The following EVI5 variants were observed in gnomAD, a reference collection of about 807,000 sequenced individuals.
EVI5 encodes the protein ecotropic viral integration site 5 protein homolog.
EVI5 carries 73 observed loss-of-function variants against 112.0 expected under a neutral mutation model. That is an observed-to-expected ratio of 0.65 (90% CI 0.54 to 0.79). The LOEUF (loss-of-function observed/expected upper bound fraction) is 0.79. Ranked by LOEUF, EVI5 falls within the 30% of genes least tolerant of loss-of-function variation. The pLI is 0.00. For missense variants in EVI5, 900 were observed against 968.8 expected (o/e 0.93, Z 0.94); for synonymous variants, 305 against 319.9 (o/e 0.95, Z 0.50).
rs369654744 is a variant in EVI5, at chr1:92,630,288, C to T, written c.1528-4354G>A. On this transcript the variant is annotated intron_variant, in intron 14 of 19. Transcript: ENST00000684568. ...AACTAGTTTACAGTCCCACCAACAG[C>T]GTAAAAGTGTTCCTATTTCTCCACA... Among the ~76,000 whole-genome samples the T allele has an allele frequency of 5.2e-3, 788 of 152,102 alleles. 1 individual carries two copies. The highest frequency in any genetic ancestry group is 9.2e-3 in the Non-Finnish European group (623 of 67,958).
chr1:92,656,718 C>A (rs1048248370), intron 13 of EVI5, among the ~76,000 whole-genome samples: 3 of 151,908 alleles, frequency 2.0e-5, no homozygotes, highest in African/African-American at 4.8e-5. Flanking sequence ...ACAACTGATA[C>A]CACAGAAATA....
rs145523472 is a variant in EVI5, at chr1:92,561,401, CTTTTAA to C, written c.2166+2235_2166+2240del. Among the ~76,000 whole-genome samples, 420 of 152,108 alleles carry C rather than the reference CTTTTAA, an allele frequency of 2.8e-3. 5 individuals are homozygous for C. The highest frequency in any genetic ancestry group is 9.1e-3 in the African/African-American group (376 of 41,492). On this transcript the variant is annotated intron_variant, in intron 19 of 19. Transcript: ENST00000684568. The stretch of plus-strand genomic sequence containing the variant: ...CACTCTTTAAATCTGCACAATCTAG[CTTTTAA>C]TTTTAACAGTAGAAAATTCTACTCT...
chr1:92,600,886 C>A, intron 18 of EVI5, among the ~76,000 whole-genome samples: 1 of 152,072 alleles, frequency 6.6e-6, no homozygotes, highest in East Asian at 1.9e-4. Flanking sequence ...GTAAGTGAGA[C>A]CCTTCATTTG....
chr1:92,721,031 A>G (rs947232074), intron 2 of EVI5, among the ~76,000 whole-genome samples: 3 of 152,164 alleles, frequency 2.0e-5, no homozygotes, highest in Non-Finnish European at 2.9e-5. Flanking sequence ...GAAACAACAG[A>G]TGCTGGAGAG....
chr1:92,714,744 C>T (rs1673355426), intron 2 of EVI5, among the ~76,000 whole-genome samples: 1 of 152,144 alleles, frequency 6.6e-6, no homozygotes, highest in South Asian at 2.1e-4. Context: ...AACATGCCAT[C>T]ACACCCAGCT....
chr1:92,778,945 C>A (rs1684512602), intron 1 of EVI5, among the ~76,000 whole-genome samples: 1 of 152,126 alleles, frequency 6.6e-6, no homozygotes, highest in South Asian at 2.1e-4. Context: ...GACCTAGTCT[C>A]AGAGATTCTG....
At chr1:92,642,433 T>C (rs960109217) in intron 13 of EVI5, among the ~76,000 whole-genome samples, 2 of 152,202 alleles carry the variant, frequency 1.3e-5, no homozygotes, top group African/African-American at 4.8e-5. Context: ...TGACCAAAAG[T>C]TAAAGAATTT....
At chr1:92,792,242 C>T (rs1686153063) in intron 1 of EVI5, 18 of 739,778 alleles carry the variant, frequency 2.4e-5, no homozygotes, top group Middle Eastern at 3.3e-4. Flanking sequence ...GAAGATTAAG[C>T]GAAATATACA....
At chr1:92,666,844 T>C (rs1474988010) in intron 10 of EVI5, among the ~76,000 whole-genome samples, 1 of 152,162 alleles carries the variant, frequency 6.6e-6, no homozygotes, top group African/African-American at 2.4e-5. Flanking sequence ...CATAATCAAA[T>C]ATTTTCTTAT....
intron 10 of EVI5, among the ~76,000 whole-genome samples, chr1:92,671,290 T>C (rs755958655): frequency 1.8e-4 from 27 of 152,142 alleles, no homozygotes; most frequent in Non-Finnish European, 3.2e-4. Context: ...GGTAAATCCT[T>C]CTCTCTTTCT....
chr1:92,670,188 A>G (rs1665626049), intron 10 of EVI5, among the ~76,000 whole-genome samples: 1 of 152,232 alleles, frequency 6.6e-6, no homozygotes. Context: ...GGAGACAAAA[A>G]ACTTGTTATA....
chr1:92,638,102 C>CT (rs1334256556), intron 13 of EVI5, among the ~76,000 whole-genome samples: 2 of 152,100 alleles, frequency 1.3e-5, no homozygotes, highest in African/African-American at 4.8e-5. Context: ...ACTTAAAGCC[C>CT]TGGCAACTGT....
At chr1:92,609,139 T>C (rs1484365505) in intron 16 of EVI5, among the ~76,000 whole-genome samples, 1 of 152,236 alleles carries the variant, frequency 6.6e-6, no homozygotes, top group Non-Finnish European at 1.5e-5. Context: ...GAAATTATTC[T>C]ATCAGAGGCC....
intron 19 of EVI5, among the ~76,000 whole-genome samples, chr1:92,558,669 C>T (rs1557783005): frequency 6.6e-6 from 1 of 152,008 alleles, no homozygotes; most frequent in Admixed American, 6.6e-5. Context: ...CACTGTACAG[C>T]AGGCAGAGCA....
In EVI5 at chr1:92,781,539, A is replaced by G. The variant is rs528003917; in HGVS notation, c.-82+3297T>C. On this transcript the variant is annotated intron_variant, in intron 1 of 19. Coordinates refer to ENST00000684568, the MANE Select transcript of EVI5 (RefSeq NM_001350197.2). ...TTGCAAAAAGTAAAATAAAATTGCT[A>G]TAAGACAACACAGAAAAATATGTTC... Among the ~76,000 whole-genome samples the G allele has an allele frequency of 1.6e-4, 24 of 152,260 alleles. No individual in the cohort carries two copies. In the East Asian group the frequency reaches 4.1e-3, roughly 26 times the overall value.
At chr1:92,529,936 T>C (rs1662573066) in intron 19 of EVI5, among the ~76,000 whole-genome samples, 1 of 152,212 alleles carries the variant, frequency 6.6e-6, no homozygotes, top group African/African-American at 2.4e-5. Flanking sequence ...ATTGTACTTA[T>C]TAACACATGA....
At chr1:92,680,021 C>T (rs141447349) in intron 9 of EVI5, among the ~76,000 whole-genome samples, 58 of 152,190 alleles carry the variant, frequency 3.8e-4, no homozygotes, top group African/African-American at 1.4e-3. Context: ...GTTTTTAGAC[C>T]CGCATTATGA....
At chr1:92,598,890 A>C (rs1648525298) in intron 18 of EVI5, among the ~76,000 whole-genome samples, 1 of 152,108 alleles carries the variant, frequency 6.6e-6, no homozygotes. Context: ...GTGGTGGAGG[A>C]GGCATTATTA....
intron 14 of EVI5, among the ~76,000 whole-genome samples, chr1:92,635,915 C>A (rs1036760554): frequency 6.6e-6 from 1 of 152,182 alleles, no homozygotes; most frequent in Non-Finnish European, 1.5e-5. Flanking sequence ...TTTCTCTCTT[C>A]TGCAACATTT....
Sources: allele counts gnomAD v4.1 joint callset (sites outside exome capture counted in the v4.1 genomes callset), GRCh38; gene constraint gnomAD v4.1.1; transcripts MANE v1.5; gene names NCBI Gene and HGNC (gene_info 2026-07-23, HGNC 2026-07-21).